Variants in LUZP2 observed in about 807,000 individuals in gnomAD.
The protein encoded by LUZP2 is leucine zipper protein 2.
Under a neutral mutation model 51.6 loss-of-function variants are expected in LUZP2, and 52 were observed. The ratio of observed to expected loss-of-function variants is 1.01; its 90% CI spans 0.81 to 1.27. The LOEUF (loss-of-function observed/expected upper bound fraction) is 1.27. LUZP2 is among the 50% of genes most tolerant of loss of function. LUZP2 has a pLI of 0.00. For synonymous variants in LUZP2, 154 were observed against 137.3 expected, an observed-to-expected ratio of 1.12 and a Z score of -0.85; for missense variants, 436 against 395.4, an observed-to-expected ratio of 1.10 and a Z score of -0.87.
chr11:24,854,388 A>G (rs1240452107), intron 5 of LUZP2, among the ~76,000 whole-genome samples: 3 of 152,340 alleles, frequency 2.0e-5, no homozygotes, highest in Admixed American at 2.0e-4. Flanking sequence ...GGCTCCACCC[A>G]GTTCAAACTT....
At chr11:24,590,543 G>A (rs1853223145) in intron 1 of LUZP2, among the ~76,000 whole-genome samples, 1 of 152,090 alleles carries the variant, frequency 6.6e-6, no homozygotes, top group African/African-American at 2.4e-5. Context: ...CACTTTTAGA[G>A]AAACAGATAA....
intron 1 of LUZP2, among the ~76,000 whole-genome samples, chr11:24,663,415 A>G (rs1856089998): frequency 6.6e-6 from 1 of 152,126 alleles, no homozygotes; most frequent in Non-Finnish European, 1.5e-5. Flanking sequence ...TGCTTCCTGT[A>G]TAGCCTGTGG....
chr11:24,514,656 CTTAAT>C (rs1369880002), intron 1 of LUZP2, among the ~76,000 whole-genome samples: 1 of 146,376 alleles, frequency 6.8e-6, no homozygotes, highest in Non-Finnish European at 1.5e-5. Flanking sequence ...ACATAATTTT[CTTAAT>C]TTATTAGTTT....
intron 9 of LUZP2, among the ~76,000 whole-genome samples, chr11:25,001,581 G>T (rs922859731): frequency 6.6e-6 from 1 of 152,170 alleles, no homozygotes; most frequent in Admixed American, 6.5e-5. Context: ...GGTGGTATTG[G>T]AGTGTTATAG....
intron 9 of LUZP2, among the ~76,000 whole-genome samples, chr11:25,031,255 C>T (rs1330181627): frequency 1.3e-5 from 2 of 151,390 alleles, no homozygotes; most frequent in Non-Finnish European, 1.5e-5. Context: ...TGTGATCCAC[C>T]TGCCTCGGCA....
At chr11:24,543,450 A>G (rs1321090453) in intron 1 of LUZP2, among the ~76,000 whole-genome samples, 1 of 152,040 alleles carries the variant, frequency 6.6e-6, no homozygotes, top group Non-Finnish European at 1.5e-5. Context: ...TTATCCCAAA[A>G]CTTCATGATG....
chr11:24,766,824 C>T (rs112282295), intron 5 of LUZP2, among the ~76,000 whole-genome samples: 4 of 152,146 alleles, frequency 2.6e-5, no homozygotes, highest in African/African-American at 7.2e-5. Context: ...GGCAGTGGCG[C>T]GATCTCAGCT....
At chr11:24,773,431 A>C (rs1249570282) in intron 5 of LUZP2, among the ~76,000 whole-genome samples, 1 of 152,198 alleles carries the variant, frequency 6.6e-6, no homozygotes, top group Non-Finnish European at 1.5e-5. Context: ...GTTTATTGGA[A>C]GAAGATAAAG....
chr11:24,557,096 C>T (rs575023823), intron 1 of LUZP2, among the ~76,000 whole-genome samples: 75 of 152,218 alleles, frequency 4.9e-4, no homozygotes, highest in African/African-American at 1.7e-3. Context: ...CCGGGTATTT[C>T]CATACTATCC....
chr11:24,912,051 A>T (rs1853651106), intron 6 of LUZP2, among the ~76,000 whole-genome samples: 1 of 152,160 alleles, frequency 6.6e-6, no homozygotes, highest in South Asian at 2.1e-4. Flanking sequence ...GTTAAGTGAT[A>T]CAGAATTATT....
intron 4 of LUZP2, among the ~76,000 whole-genome samples, chr11:24,755,581 G>A (rs764806751): frequency 5.9e-5 from 9 of 152,100 alleles, no homozygotes; most frequent in Non-Finnish European, 7.4e-5. Context: ...CTAAGCCTCC[G>A]GATGGATTGA....
chr11:24,937,806 C>G (rs1854630948), intron 7 of LUZP2, among the ~76,000 whole-genome samples: 1 of 150,258 alleles, frequency 6.7e-6, no homozygotes, highest in African/African-American at 2.5e-5. Context: ...GAGGCTGAGG[C>G]AGGAAAATGG....
intron 10 of LUZP2, among the ~76,000 whole-genome samples, chr11:25,058,072 A>G (rs1858738480): frequency 1.3e-5 from 2 of 152,098 alleles, no homozygotes; most frequent in Non-Finnish European, 2.9e-5. Flanking sequence ...CTGAGAGACC[A>G]CACAGCACTG....
At position 24,980,972 on chromosome 11, in the gene LUZP2, G is replaced by A. The variant is rs1405259235; in HGVS notation, c.598-2154G>A. 2.0e-5 allele frequency among the ~76,000 whole-genome samples: 3 copies of A among 151,874 alleles called. No homozygotes were observed. The East Asian group carries it at 5.8e-4, about 29-fold the overall frequency. ...TTTTAAAACAAGTAGGAAAAGTGGT[G>A]TGCTGCAGGGAGCGGAAAGACAGAG... is the stretch of plus-strand genomic sequence containing the variant. On this transcript the variant is annotated intron_variant, in intron 8 of 11. Transcript: ENST00000336930.
intron 5 of LUZP2, chr11:24,891,357 T>C: frequency 2.2e-6 from 2 of 919,014 alleles, no homozygotes; most frequent in Non-Finnish European, 2.6e-6. Context: ...GACATGTACA[T>C]ATACACATAC....
chr11:24,590,826 A>G (rs1853233938), intron 1 of LUZP2, among the ~76,000 whole-genome samples: 1 of 152,058 alleles, frequency 6.6e-6, no homozygotes, highest in African/African-American at 2.4e-5. Flanking sequence ...TATTTTCATC[A>G]TGGATTGCAC....
intron 3 of LUZP2, 64 bp downstream of exon 3, chr11:24,732,252 A>C (rs1285310108): frequency 8.2e-7 from 1 of 1,213,310 alleles, no homozygotes; most frequent in African/African-American, 1.5e-5. Flanking sequence ...CAGAAACTTC[A>C]CAAAATTTAT....
chr11:24,630,715 A>T lies in LUZP2; in HGVS notation c.63-98454A>T, dbSNP rs575796103. On this transcript the variant is annotated intron_variant, in intron 1 of 11. Transcript: ENST00000336930. ...TTTGCTGTTCCATACTAAGTTTAAG[A>T]TTTCTAAAAATTCCATGAAAATGAT... is the stretch of plus-strand genomic sequence containing the variant. Among the ~76,000 whole-genome samples, 33 of 144,128 alleles carry T rather than the reference A, an allele frequency of 2.3e-4. 1 individual carries two copies. Among genetic ancestry groups the T allele is most frequent in the African/African-American group, 7.9e-4 (31 of 39,166 alleles). The allele number at this position is 144,128 out of a possible 152,430, so 94.6% of individuals were successfully genotyped here.
intron 4 of LUZP2, among the ~76,000 whole-genome samples, chr11:24,758,137 A>T (rs1238708633): frequency 2.6e-5 from 4 of 152,140 alleles, no homozygotes; most frequent in Non-Finnish European, 4.4e-5. Context: ...ATGAATGTAG[A>T]TGTAAAAATT....
Sources: allele counts gnomAD v4.1 joint callset (sites outside exome capture counted in the v4.1 genomes callset), GRCh38; gene constraint gnomAD v4.1.1; transcripts MANE v1.5; gene names NCBI Gene and HGNC (gene_info 2026-07-23, HGNC 2026-07-21).